Variants in DACH1 observed in about 807,000 individuals in gnomAD.
DACH1 encodes the protein dachshund family transcription factor 1.
In DACH1, 12 loss-of-function variants were observed where a neutral mutation model predicts 54.2. That is an observed-to-expected ratio of 0.22 (90% CI 0.14 to 0.36). DACH1 has a LOEUF of 0.36. DACH1 is among the 10% of genes least tolerant of loss of function. The pLI is 1.00. For missense variants in DACH1, 805 were observed against 929.8 expected, an observed-to-expected ratio of 0.87 and a Z score of 1.75; for synonymous variants, 386 against 366.2, an observed-to-expected ratio of 1.05 and a Z score of -0.62.
At chr13:71,683,275 T>C (rs867746969) in intron 1 of DACH1, among the ~76,000 whole-genome samples, 7 of 152,026 alleles carry the variant, frequency 4.6e-5, no homozygotes, top group South Asian at 2.1e-4. Context: ...CATAAGAAAG[T>C]TGCAATCTGA....
chr13:71,516,928 G>A (rs201211694), intron 6 of DACH1, among the ~76,000 whole-genome samples: 1 of 21,976 alleles, frequency 4.6e-5, no homozygotes, highest in African/African-American at 6.5e-5. Flanking sequence ...ATATTTTTAT[G>A]TTTATATATA....
At chr13:71,579,840 G>T (rs1566355932) in intron 3 of DACH1, among the ~76,000 whole-genome samples, 1 of 152,008 alleles carries the variant, frequency 6.6e-6, no homozygotes, top group Non-Finnish European at 1.5e-5. Flanking sequence ...TGATGCCATT[G>T]TTTTCTTTGG....
chr13:71,666,133 T>TA (rs951478446), intron 2 of DACH1, among the ~76,000 whole-genome samples: 8 of 152,042 alleles, frequency 5.3e-5, no homozygotes, highest in South Asian at 4.1e-4. Flanking sequence ...GATGCAGTGG[T>TA]AAAAAAATAT....
Position 71,506,303 on chromosome 13 carries a change from C to T in DACH1, c.1571-17155G>A, listed in dbSNP as rs959781994. 5.7e-5 allele frequency among the ~76,000 whole-genome samples: 7 copies of T among 122,036 alleles called. No homozygotes were observed. In the Admixed American group the frequency reaches 7.8e-4, roughly 14 times the overall value. 80.1% of individuals were successfully genotyped at this position (122,036 alleles called of 152,430 possible). A position where few individuals can be genotyped will look rare whatever the true frequency, so the allele number is the denominator to read the frequency against. Reference sequence around the variant, plus strand: ...CCTCCCCCCTCCCCCCGCCCCACAACAGTCCCCAGAGTGTGATATTCCCCT... The same window carrying T: ...CCTCCCCCCTCCCCCCGCCCCACAATAGTCCCCAGAGTGTGATATTCCCCT... On this transcript the variant is annotated intron_variant, in intron 6 of 10. Transcript: ENST00000613252.
chr13:71,770,957 C>T (rs9529913), intron 1 of DACH1, among the ~76,000 whole-genome samples: 66,007 of 151,126 alleles, frequency 0.44, 17,249 homozygotes, highest in Non-Finnish European at 0.6. Flanking sequence ...AATAGGATTG[C>T]TAGCAATTAT....
At chr13:71,629,642 A>G (rs1876934315) in intron 3 of DACH1, among the ~76,000 whole-genome samples, 1 of 152,138 alleles carries the variant, frequency 6.6e-6, no homozygotes, top group African/African-American at 2.4e-5. Context: ...TTAAGAAATA[A>G]TCTATGAAAA....
At chr13:71,749,871 G>C (rs1313637710) in intron 1 of DACH1, among the ~76,000 whole-genome samples, 1 of 152,178 alleles carries the variant, frequency 6.6e-6, no homozygotes, top group East Asian at 1.9e-4. Context: ...AGAGGTAAGA[G>C]CTAGATAAGC....
chr13:71,838,976 C>A (rs991781220), intron 1 of DACH1, among the ~76,000 whole-genome samples: 8 of 152,152 alleles, frequency 5.3e-5, no homozygotes, highest in Non-Finnish European at 1.0e-4. Context: ...ATGTTCCCAT[C>A]TTTTGACACT....
chr13:71,455,635 T>C lies in DACH1; in HGVS notation c.2084-14943A>G, dbSNP rs143279286. 1.1e-4 allele frequency among the ~76,000 whole-genome samples: 16 copies of C among 152,248 alleles called. No homozygotes were observed. The East Asian group carries it at 3.1e-3, about 29-fold the overall frequency. On this transcript the variant is annotated intron_variant, in intron 10 of 10. Transcript: ENST00000613252. ...GCGACAGAACTTACCCAGGCAATTG[T>C]TTAGCTCCCTACTGCTGAAGTTGTT...
intron 10 of DACH1, 63 bp from the exon 11 acceptor site, chr13:71,440,755 A>G: frequency 7.9e-7 from 1 of 1,263,512 alleles, no homozygotes; most frequent in Non-Finnish European, 1.1e-6. Flanking sequence ...TGTGCATGTA[A>G]AAATGATGTA....
chr13:71,809,283 C>T (rs1887622080), intron 1 of DACH1, among the ~76,000 whole-genome samples: 1 of 152,122 alleles, frequency 6.6e-6, no homozygotes, highest in Non-Finnish European at 1.5e-5. Context: ...TTCCTGGGCT[C>T]AGGTAAGCCT....
At chr13:71,822,964 A>T (rs1888248217) in intron 1 of DACH1, among the ~76,000 whole-genome samples, 1 of 152,176 alleles carries the variant, frequency 6.6e-6, no homozygotes, top group Non-Finnish European at 1.5e-5. Context: ...TTAGGGCTTC[A>T]CAGCTATTAA....
chr13:71,708,700 T>G (rs1882562797), intron 1 of DACH1, among the ~76,000 whole-genome samples: 2 of 152,176 alleles, frequency 1.3e-5, no homozygotes, highest in South Asian at 4.1e-4. Flanking sequence ...GTAATATGGT[T>G]TGCAAAACAT....
chr13:71,647,917 G>C (rs1432727314), intron 2 of DACH1, among the ~76,000 whole-genome samples: 1 of 152,192 alleles, frequency 6.6e-6, no homozygotes, highest in East Asian at 1.9e-4. Context: ...CCTAGTTTCA[G>C]AGGATAATAT....
chr13:71,441,675 G>C (rs1450377653), intron 10 of DACH1, among the ~76,000 whole-genome samples: 1 of 151,946 alleles, frequency 6.6e-6, no homozygotes, highest in Non-Finnish European at 1.5e-5. Context: ...ATGACCTATA[G>C]TACATTCAGG....
chr13:71,603,319 G>A (rs181254851), intron 3 of DACH1, among the ~76,000 whole-genome samples: 29 of 151,988 alleles, frequency 1.9e-4, no homozygotes, highest in African/African-American at 5.1e-4. Context: ...AAAAACAATC[G>A]CAACTATCCT....
At chr13:71,694,221 C>T (rs936725619) in intron 1 of DACH1, among the ~76,000 whole-genome samples, 16 of 152,090 alleles carry the variant, frequency 1.1e-4, no homozygotes, top group African/African-American at 3.9e-4. Flanking sequence ...CACAAGCACA[C>T]ACACATCCGC....
At chr13:71,749,148 C>A (rs938213166) in intron 1 of DACH1, among the ~76,000 whole-genome samples, 1 of 151,616 alleles carries the variant, frequency 6.6e-6, no homozygotes, top group Non-Finnish European at 1.5e-5. Flanking sequence ...CCATGCCCAG[C>A]TAATTTTGTA....
chr13:71,825,333 A>T (rs1455821529), intron 1 of DACH1, among the ~76,000 whole-genome samples: 1 of 152,138 alleles, frequency 6.6e-6, no homozygotes, highest in African/African-American at 2.4e-5. Flanking sequence ...TTCACCTATC[A>T]TACATTCACT....
Sources: gnomAD v4.1 joint callset for allele counts (sites outside exome capture counted in the v4.1 genomes callset) on GRCh38, gnomAD v4.1.1 for gene constraint, MANE v1.5 for transcripts, NCBI Gene and HGNC (gene_info 2026-07-23, HGNC 2026-07-21) for gene names.